Variants in ABHD8 observed in about 807,000 individuals in gnomAD.
ABHD8 encodes protein ABHD8.
In ABHD8, 10 loss-of-function variants were observed where a neutral mutation model predicts 29.3. The observed-to-expected ratio is 0.34, with a 90% confidence interval of 0.21 to 0.58. The LOEUF (loss-of-function observed/expected upper bound fraction) is 0.58, where lower values mean the gene tolerates loss of function less well. Ranked by LOEUF, ABHD8 falls within the 20% of genes least tolerant of loss-of-function variation. The pLI, the probability that ABHD8 is intolerant of heterozygous loss-of-function variation, is 0.85. For synonymous variants in ABHD8, 282 were observed against 274.6 expected (o/e 1.03, Z -0.27); for missense variants, 556 against 615.3 (o/e 0.90, Z 1.02).
Position 17,294,332 on chromosome 19 carries a change from G to A in ABHD8, c.1105C>T (p.His369Tyr). 5.0e-6 allele frequency: 8 copies of A among 1,611,750 alleles called. No individual in the cohort carries two copies. Among genetic ancestry groups the A allele is most frequent in the Non-Finnish European group, 6.8e-6 (8 of 1,179,970 alleles). ...TVPVLLVHGM[H>Y]DKFVPVEEDQ... ...TCCTCCACCGGCACAAACTTATCGT[G>A]CATGCCGTGGACAAGCAGGACGGGC... Residue 369 changes from histidine (H) to tyrosine (Y), a missense_variant, in exon 4 of 5, where the codon CAC becomes TAC. By Grantham distance (83) the His-to-Tyr change is moderately conservative. Transcript: ENST00000247706.
chr19:17,302,303 A>T (rs1377099809), intron 1 of ABHD8: 1 of 152,400 alleles, frequency 6.6e-6, no homozygotes, highest in Non-Finnish European at 1.5e-5. Flanking sequence ...TGGAGTTTAT[A>T]CCATTTATGG....
intron 2 of ABHD8, among the ~76,000 whole-genome samples, chr19:17,295,626 G>A (rs920016419): frequency 1.3e-5 from 2 of 149,416 alleles, no homozygotes; most frequent in Non-Finnish European, 3.0e-5. Flanking sequence ...CAGGCTGGTC[G>A]AGAACTCCTG....
chr19:17,292,443 C>G lies in ABHD8; in HGVS notation c.*218G>C. 2 of 563,472 alleles carry G rather than the reference C, an allele frequency of 3.5e-6. No individual in the cohort carries two copies. The highest frequency in any genetic ancestry group is 5.9e-6 in the Non-Finnish European group (2 of 339,762). The allele number at this position is 563,472 out of a possible 1,614,324, so 34.9% of individuals were successfully genotyped here. On this transcript the variant is annotated 3_prime_UTR_variant, in exon 5 of 5. Transcript: ENST00000247706. ...GGTCCCGGCTGCGGCCCCAAAACGC[C>G]GATGGGCCCCGCGGGACGGAAGCGG...
chr19:17,295,116 T>TTTTTTA (rs2074088154), intron 2 of ABHD8, among the ~76,000 whole-genome samples: 1 of 146,436 alleles, frequency 6.8e-6, no homozygotes, highest in Admixed American at 6.8e-5. Context: ...TTTTTTTTTT[T>TTTTTTA]GAGACGGAGT....
chr19:17,300,710 T>G, intron 2 of ABHD8, 146 bp downstream of exon 2: 2 of 1,056,256 alleles, frequency 1.9e-6, no homozygotes, highest in Non-Finnish European at 2.7e-6. Context: ...ACTCCCAACC[T>G]CAGGTGATCC....
Position 17,301,327 on chromosome 19 carries a change from C to T in ABHD8, c.290G>A (p.Arg97Gln), listed in dbSNP as rs755787357. ...NGRLLVENLG[R>Q]APRADLLHGQ... is the part of the protein sequence containing the mutation. ...GTGTAGGAGGTCGGCTCGAGGGGCT[C>T]GGCCCAGGTTTTCCACCAGCAACCG... The change falls in exon 2 of 5, where the codon CGA (arginine) becomes CAA (glutamine). Residue 97 changes from arginine (R) to glutamine (Q), a missense_variant. Arg to Gln is a conservative substitution (Grantham distance 43, BLOSUM62 1). Around this residue, in one of 2 missense-constraint regions of ABHD8, gnomAD observed 286 missense variants for 261.4 expected, o/e 1.09. Transcript: ENST00000247706. The T allele has an allele frequency of 3.1e-6, 5 of 1,607,854 alleles. No individual in the cohort carries two copies. Among genetic ancestry groups the T allele is most frequent in the Non-Finnish European group, 3.4e-6 (4 of 1,179,862 alleles).
chr19:17,301,368 G>C lies in ABHD8; in HGVS notation c.249C>G (p.Thr83=), dbSNP rs748727592. ...CCAGCAACCGCCCATTGCGGTACAC[G>C]GTGATCCGGCGCTGACAGCGGACCA... ...SGLVRCQRRI[T]VYRNGRLLVE... Residue 83 remains threonine, a synonymous_variant, in exon 2 of 5, where the codon ACC becomes ACG. Coordinates refer to ENST00000247706, the MANE Select transcript of ABHD8 (RefSeq NM_024527.5). 1.9e-6 allele frequency: 3 copies of C among 1,610,772 alleles called. No individual in the cohort carries two copies. Among genetic ancestry groups the C allele is most frequent in the Non-Finnish European group, 2.5e-6 (3 of 1,179,916 alleles).
chr19:17,294,209 GC>G, intron 4 of ABHD8, 78 bp downstream of exon 4: 6 of 1,495,754 alleles, frequency 4.0e-6, no homozygotes, highest in Non-Finnish European at 5.4e-6. Context: ...GCGCTACCAC[GC>G]CCCCCGCAGA....
rs747389254 is a variant in ABHD8 at position 17,301,182 on chromosome 19, A to ACCACTG, written c.429_434dup (p.Ser144_Gly145dup). The ACCACTG allele has an allele frequency of 3.9e-5, 63 of 1,605,632 alleles. No individual in the cohort carries two copies. Among genetic ancestry groups the ACCACTG allele is most frequent in the East Asian group, 3.8e-4 (17 of 44,766 alleles). On this transcript the variant is annotated inframe_insertion, in exon 2 of 5. Transcript: ENST00000247706. ...GGCGCCTGGCTCGCCGCCGCCGCCCACCACTGCCACTGCCGCTGCCGCTGC... is the reference window on the plus strand; with the variant it reads ...GGCGCCTGGCTCGCCGCCGCCGCCCACCACTGCCACTGCCACTGCCGCTGCCGCTGC...
In ABHD8 at chr19:17,292,578, G is replaced by C. The variant is rs2074075481; in HGVS notation, c.*83C>G. On this transcript the variant is annotated 3_prime_UTR_variant, in exon 5 of 5. Transcript: ENST00000247706. Reference sequence around the variant, plus strand: ...CCGGAGCGAACGGCCCGCCCAGGTGGTCTGCGCTGCAGACCTGGCGCAGGC... The same window carrying C: ...CCGGAGCGAACGGCCCGCCCAGGTGCTCTGCGCTGCAGACCTGGCGCAGGC... 4.6e-5 allele frequency: 66 copies of C among 1,422,076 alleles called. No homozygotes were observed. In the South Asian group the frequency reaches 9.0e-4, roughly 19 times the overall value. The allele number at this position is 1,422,076 out of a possible 1,614,324, so 88.1% of individuals were successfully genotyped here.
intron 2 of ABHD8, among the ~76,000 whole-genome samples, chr19:17,300,345 A>AT (rs1272587629): frequency 1.3e-5 from 2 of 151,798 alleles, no homozygotes; most frequent in Admixed American, 1.3e-4. Context: ...GTGGAACTAT[A>AT]TGCGTGCACC....
chr19:17,294,640 G>A (rs745904932), intron 3 of ABHD8, 35 bp downstream of exon 3: 3 of 1,610,340 alleles, frequency 1.9e-6, no homozygotes, highest in Non-Finnish European at 2.5e-6. Flanking sequence ...GTTCGCCAGG[G>A]CCAGGATCAC....
chr19:17,296,701 T>G (rs1297706087), intron 2 of ABHD8: 2 of 151,762 alleles, frequency 1.3e-5, no homozygotes, highest in African/African-American at 4.8e-5. Context: ...TAAGGTTTTT[T>G]TTTTTTTTTT....
intron 2 of ABHD8, 25 bp from the exon 3 acceptor site, chr19:17,294,870 G>A: frequency 6.2e-7 from 1 of 1,608,030 alleles, no homozygotes; most frequent in Non-Finnish European, 8.5e-7. Context: ...TGGGGTGATA[G>A]GAGGATTGAA....
Position 17,292,351 on chromosome 19 carries a change from C to T in ABHD8, c.*310G>A. 2.4e-6 allele frequency: 1 copy of T among 423,776 alleles called. No homozygotes were observed. 26.3% of individuals were successfully genotyped at this position (423,776 alleles called of 1,614,324 possible). A position where few individuals can be genotyped will look rare whatever the true frequency, so the allele number is the denominator to read the frequency against. ...ACACGGAAGACAGCGGGGTGGGGGG[C>T]CTGCCTTGGCCGTGGCGTTGGGGGG... On this transcript the variant is annotated 3_prime_UTR_variant, in exon 5 of 5. Coordinates refer to ENST00000247706, the MANE Select transcript of ABHD8 (RefSeq NM_024527.5).
chr19:17,301,076 T>C lies in ABHD8; in HGVS notation c.541A>G (p.Ile181Val). 3 of 1,613,546 alleles carry C rather than the reference T, an allele frequency of 1.9e-6. No homozygotes were observed. The highest frequency in any genetic ancestry group is 2.5e-6 in the Non-Finnish European group (3 of 1,180,020). Reference sequence around the variant, plus strand: ...GCCAGGGAACCGCCGACACCATGGATGAAAAAGAGCACCACGTCGGCCTGG... The same window carrying C: ...GCCAGGGAACCGCCGACACCATGGACGAAAAAGAGCACCACGTCGGCCTGG... The part of the protein sequence containing the change: ...GAQADVVLFF[I>V]HGVGGSLAIW... The change falls in exon 2 of 5, where the codon ATC (isoleucine) becomes GTC (valine). Residue 181 changes from isoleucine to valine, a missense_variant. This residue lies in a region of ABHD8 where 270 missense variants were observed against 353.9 expected (regional missense o/e 0.76). Coordinates refer to ENST00000247706, the MANE Select transcript of ABHD8 (RefSeq NM_024527.5).
Position 17,294,757 on chromosome 19 carries a change from C to G in ABHD8, c.850G>C (p.Glu284Gln). 6.2e-7 allele frequency: 1 copy of G among 1,614,172 alleles called. No homozygotes were observed. Among genetic ancestry groups the G allele is most frequent in the Non-Finnish European group, 8.5e-7 (1 of 1,180,028 alleles). Residue 284 changes from glutamate to glutamine, a missense_variant, in exon 3 of 5, where the codon GAG (glutamate) becomes CAG (glutamine). Coordinates refer to ENST00000247706, the MANE Select transcript of ABHD8 (RefSeq NM_024527.5). ...TTGAAGATTGAGCAGAAGCTGGGCT[C>G]CAGCGCCGTAGGGCCCCCGCCATTG... ...MINGGGPTAL[E>Q]PSFCSIFNMP...
Position 17,301,245 on chromosome 19 carries a change from C to A in ABHD8, c.372G>T (p.Pro124=). ...GGGCCAAGCGGCCATCGCTGCCCGC[C>A]GGATCTGCCAGCTCCACCTCCAGGG... ...PAALEVELAD[P]AGSDGRLAPG... The change falls in exon 2 of 5, where the codon CCG becomes CCT. Residue 124 remains proline (P), a synonymous_variant. Coordinates refer to ENST00000247706, the MANE Select transcript of ABHD8 (RefSeq NM_024527.5). The A allele has an allele frequency of 1.9e-6, 3 of 1,595,308 alleles. No individual in the cohort carries two copies. The highest frequency in any genetic ancestry group is 1.1e-5 in the South Asian group (1 of 89,856).
intron 2 of ABHD8, among the ~76,000 whole-genome samples, chr19:17,296,975 G>A (rs1167879562): frequency 6.6e-6 from 1 of 152,148 alleles, no homozygotes; most frequent in Admixed American, 6.6e-5. Context: ...GATTAGAGGC[G>A]TGAGCCACCG....
Sources: gnomAD v4.1 joint callset for allele counts (sites outside exome capture counted in the v4.1 genomes callset) on GRCh38, gnomAD v4.1.1 for gene constraint, gnomAD v4.1.1 regional missense constraint, MANE v1.5 for transcripts, NCBI Gene and HGNC (gene_info 2026-07-23, HGNC 2026-07-21) for gene names.